Variants in ZDHHC1 observed in about 807,000 individuals in gnomAD.
ZDHHC1 encodes the protein palmitoyltransferase ZDHHC1.
In ZDHHC1, 45 loss-of-function variants were observed where a neutral mutation model predicts 46.9. The ratio of observed to expected loss-of-function variants is 0.96; its 90% CI spans 0.76 to 1.23. ZDHHC1 has a LOEUF of 1.23. Ranked by LOEUF, ZDHHC1 falls within the 50% of genes most tolerant of loss-of-function variation. The pLI, the probability that ZDHHC1 is intolerant of heterozygous loss-of-function variation, is 0.00. For missense variants in ZDHHC1, 649 were observed against 670.8 expected (o/e 0.97, Z 0.36); for synonymous variants, 291 against 286.0 (o/e 1.02, Z -0.18).
In ZDHHC1 at chr16:67,394,442, A is replaced by G. The variant is rs2040373554; in HGVS notation, c.*168T>C. On this transcript the variant is annotated 3_prime_UTR_variant, in exon 12 of 12. Transcript: ENST00000565726. ...CGTCCGCAAAAGCATAAAAAAGTTT[A>G]TTGGAGCATCACAGCCGGTGGGGCG... 1 of 471,046 alleles carries G rather than the reference A, an allele frequency of 2.1e-6. No homozygotes were observed. Among genetic ancestry groups the G allele is most frequent in the African/African-American group, 2.1e-5 (1 of 47,930 alleles). 29.2% of individuals were successfully genotyped at this position (471,046 alleles called of 1,614,324 possible). A position where few individuals can be genotyped will look rare whatever the true frequency, so the allele number is the denominator to read the frequency against.
In ZDHHC1 at chr16:67,394,814, G is replaced by A. The variant is rs764820148; in HGVS notation, c.1245C>T (p.Ala415=). ...CTGCCGACGCCGAGTGGTAGGCGCC[G>A]GCAGGGCCAGCGGCGTGCACAGGGC... The part of the protein sequence containing the change: ...DASPVHAAGP[A]GAYHSASAES... Residue 415 remains alanine, a synonymous_variant, in exon 12 of 12, where the codon GCC becomes GCT. Coordinates refer to ENST00000565726, the MANE Select transcript of ZDHHC1 (RefSeq NM_001323627.2). The A allele has an allele frequency of 1.3e-6, 2 of 1,520,084 alleles. No homozygotes were observed. The highest frequency in any genetic ancestry group is 4.1e-5 in the Admixed American group (2 of 48,322). 94.2% of individuals were successfully genotyped at this position (1,520,084 alleles called of 1,614,324 possible). A position where few individuals can be genotyped will look rare whatever the true frequency, so the allele number is the denominator to read the frequency against.
chr16:67,413,160 A>G (rs2040777687), intron 1 of ZDHHC1, among the ~76,000 whole-genome samples: 1 of 151,264 alleles, frequency 6.6e-6, no homozygotes, highest in Non-Finnish European at 1.5e-5. Flanking sequence ...GTTCACTGTA[A>G]CCTCAAACTC....
chr16:67,395,286 G>C lies in ZDHHC1; in HGVS notation c.1011-6C>G. ...TGGCAAGAAACTGGGAGGGACTGAG[G>C]GGGAAGCAGGAGGGTAAGCCTGGGG... On this transcript the variant is annotated splice_region_variant and splice_polypyrimidine_tract_variant and intron_variant, in intron 9 of 11. Transcript: ENST00000565726. 6.5e-7 allele frequency: 1 copy of C among 1,536,464 alleles called. No individual in the cohort carries two copies. Among genetic ancestry groups the C allele is most frequent in the South Asian group, 1.2e-5 (1 of 82,434 alleles).
rs761461961 is a variant in ZDHHC1 at position 67,398,597 on chromosome 16, G to A, written c.790C>T (p.Leu264=). The A allele has an allele frequency of 6.2e-7, 1 of 1,604,516 alleles. No individual in the cohort carries two copies. The highest frequency in any genetic ancestry group is 8.5e-7 in the Non-Finnish European group (1 of 1,176,870). ...GLLSTALLGH[L]LCFHIYLMWH... ...CTGAGATAAATGTGGAAGCAGAGCA[G>A]GTGCCCCAGGAGGGCTGTGGACAGG... is the stretch of plus-strand genomic sequence containing the variant. The change falls in exon 7 of 12, where the codon CTG becomes TTG. Residue 264 remains leucine (L), a synonymous_variant. Coordinates refer to ENST00000565726, the MANE Select transcript of ZDHHC1 (RefSeq NM_001323627.2).
intron 8 of ZDHHC1, 141 bp downstream of exon 8, chr16:67,398,071 C>T (rs1476887599): frequency 3.9e-5 from 31 of 804,982 alleles, no homozygotes; most frequent in South Asian, 1.5e-4. Flanking sequence ...AGCAGGCACA[C>T]GCTCAGCACA....
At chr16:67,410,615 T>C (rs1193181764) in intron 1 of ZDHHC1, among the ~76,000 whole-genome samples, 1 of 151,586 alleles carries the variant, frequency 6.6e-6, no homozygotes, top group Non-Finnish European at 1.5e-5. Flanking sequence ...TAGATGGTGT[T>C]TTCAATATAA....
intron 1 of ZDHHC1, among the ~76,000 whole-genome samples, chr16:67,414,066 ATTGT>A (rs1407434970): frequency 6.6e-6 from 1 of 152,174 alleles, no homozygotes; most frequent in African/African-American, 2.4e-5. Flanking sequence ...ACCACTGCAA[ATTGT>A]TTGGGATACA....
Position 67,406,185 on chromosome 16 carries a change from C to T in ZDHHC1, c.252+15G>A. 2 of 1,612,886 alleles carry T rather than the reference C, an allele frequency of 1.2e-6. No homozygotes were observed. Among genetic ancestry groups the T allele is most frequent in the Non-Finnish European group, 8.5e-7 (1 of 1,179,382 alleles). On this transcript the variant is annotated intron_variant, in intron 3 of 11. Transcript: ENST00000565726. The surrounding 1 kb of genome is among the most constrained non-coding windows in gnomAD (Gnocchi z 4.1). ...CCCACTTCCACACACCAGCCCTACG[C>T]TTTCCCAAGGATACAGCGTAGCCAG... is the stretch of plus-strand genomic sequence containing the variant.
intron 7 of ZDHHC1, 93 bp downstream of exon 7, chr16:67,398,480 G>C: frequency 6.6e-7 from 1 of 1,525,318 alleles, no homozygotes. Flanking sequence ...ATACTAGGCA[G>C]GGGCATGGTT....
intron 10 of ZDHHC1, 30 bp downstream of exon 10, chr16:67,395,157 G>T (rs1392093135): frequency 2.7e-5 from 43 of 1,613,056 alleles, no homozygotes; most frequent in Non-Finnish European, 3.6e-5. Flanking sequence ...CACTCCACCT[G>T]GACCGGAGGC....
intron 9 of ZDHHC1, 85 bp from the exon 10 acceptor site, chr16:67,395,365 G>A: frequency 4.0e-6 from 6 of 1,504,236 alleles, no homozygotes; most frequent in Non-Finnish European, 5.3e-6. Flanking sequence ...TTCCCTTCCT[G>A]TTAGCTCAGA....
chr16:67,415,355 A>G (rs1385734075), intron 1 of ZDHHC1, among the ~76,000 whole-genome samples: 1 of 150,940 alleles, frequency 6.6e-6, no homozygotes, highest in Admixed American at 6.6e-5. Flanking sequence ...GCTACTTGGG[A>G]GGCTGAGGCG....
Position 67,394,803 on chromosome 16 carries a change from TGG to T in ZDHHC1, c.1254_1255del (p.Tyr418Ter). ...GTCCACGGACTCTGCCGACGCCGAG[TGG>T]TAGGCGCCGGCAGGGCCAGCGGCGT... On this transcript the variant is annotated stop_gained and frameshift_variant, in exon 12 of 12. Transcript: ENST00000565726. LOFTEE classifies it low-confidence loss of function (END_TRUNC). 1 of 1,515,630 alleles carries T rather than the reference TGG, an allele frequency of 6.6e-7. No homozygotes were observed. 93.9% of individuals were successfully genotyped at this position (1,515,630 alleles called of 1,614,324 possible).
intron 1 of ZDHHC1, among the ~76,000 whole-genome samples, chr16:67,415,114 G>A (rs1252437515): frequency 6.6e-6 from 1 of 152,058 alleles, no homozygotes; most frequent in Non-Finnish European, 1.5e-5. Flanking sequence ...CAGCCTGGGT[G>A]ACAGAGCGAG....
At chr16:67,403,615 GTT>G (rs549234682) in intron 3 of ZDHHC1, among the ~76,000 whole-genome samples, 4 of 143,770 alleles carry the variant, frequency 2.8e-5, no homozygotes, top group Admixed American at 6.9e-5. Flanking sequence ...TTTGTTTTTT[GTT>G]TTTTTTTTTT....
At chr16:67,409,379 G>T (rs1036316472) in intron 1 of ZDHHC1, among the ~76,000 whole-genome samples, 1 of 152,048 alleles carries the variant, frequency 6.6e-6, no homozygotes, top group African/African-American at 2.4e-5. Context: ...GGATACCCCC[G>T]ATACTCCAAA....
At position 67,394,662 on chromosome 16, in the gene ZDHHC1, G is replaced by C. The variant is rs943443640; in HGVS notation, c.1397C>G (p.Pro466Arg). 4.0e-6 allele frequency: 5 copies of C among 1,244,820 alleles called. No individual in the cohort carries two copies. Among genetic ancestry groups the C allele is most frequent in the Non-Finnish European group, 4.0e-6 (4 of 996,730 alleles). The allele number at this position is 1,244,820 out of a possible 1,614,324, so 77.1% of individuals were successfully genotyped here. A position where few individuals can be genotyped will look rare whatever the true frequency, so the allele number is the denominator to read the frequency against. ...QARAPAVFVSPSSGEPRAPGG... is the reference protein window; with the variant it reads ...QARAPAVFVSRSSGEPRAPGG... ...CGGCGCCCTGGGCTCGCCGCTGCTC[G>C]GGCTCACGAAAACGGCGGGCGCACG... The change falls in exon 12 of 12, where the codon CCG (proline) becomes CGG (arginine). Residue 466 changes from proline (P) to arginine (R), a missense_variant. By Grantham distance (103) the Pro-to-Arg change is moderately radical (BLOSUM62 -2). Coordinates refer to ENST00000565726, the MANE Select transcript of ZDHHC1 (RefSeq NM_001323627.2).
chr16:67,399,483 T>TTGGCC lies in ZDHHC1; in HGVS notation c.429-32_429-28dup, dbSNP rs529102257. On this transcript the variant is annotated intron_variant, in intron 4 of 11. Coordinates refer to ENST00000565726, the MANE Select transcript of ZDHHC1 (RefSeq NM_001323627.2). The stretch of plus-strand genomic sequence containing the variant: ...TGCAGGGAGAGGGGGCACAGCGCGA[T>TTGGCC]TGGCCGGCTCATTCCCCGCTCTGCG... 1.4e-4 allele frequency: 215 copies of TTGGCC among 1,587,568 alleles called. 6 individuals are homozygous for TTGGCC. In the South Asian group the frequency reaches 2.3e-3, roughly 17 times the overall value.
intron 8 of ZDHHC1, among the ~76,000 whole-genome samples, chr16:67,397,110 C>G (rs2040448604): frequency 1.3e-5 from 2 of 152,236 alleles, no homozygotes; most frequent in African/African-American, 4.8e-5. Context: ...CTCCTGTCCC[C>G]CGGGTTTGCC....
Sources: gnomAD v4.1 joint callset for allele counts (sites outside exome capture counted in the v4.1 genomes callset) on GRCh38, gnomAD v4.1.1 for gene constraint, Gnocchi (gnomAD v3.1) non-coding constraint, MANE v1.5 for transcripts, NCBI Gene and HGNC (gene_info 2026-07-23, HGNC 2026-07-21) for gene names.